LHX3: variants seen among roughly 807,000 people sequenced by gnomAD.
LHX3 encodes LIM/homeobox protein Lhx3.
A neutral mutation model predicts 32.4 loss-of-function variants in LHX3; 21 were observed. That is an observed-to-expected ratio of 0.65 (90% CI 0.46 to 0.93). The LOEUF is 0.93. Among genes scored for constraint, LHX3 ranks in the 40% least tolerant of loss-of-function variants. The pLI, the probability that LHX3 is intolerant of heterozygous loss-of-function variation, is 0.00. For missense variants in LHX3, 626 were observed against 560.0 expected, an observed-to-expected ratio of 1.12 and a Z score of -1.19; for synonymous variants, 258 against 246.8, an observed-to-expected ratio of 1.05 and a Z score of -0.43.
In LHX3 at chr9:136,197,370, G is replaced by T. The variant is rs1240459171; in HGVS notation, c.1149C>A (p.Ala383=). 3.7e-6 allele frequency: 6 copies of T among 1,612,068 alleles called. No homozygotes were observed. Among genetic ancestry groups the T allele is most frequent in the Non-Finnish European group, 4.2e-6 (5 of 1,179,866 alleles). ...GSSGGYPDFP[A]SPASWLDEVD... ...CCTCATCCAGCCAGGAGGCGGGGCTGGCAGGGAAGTCGGGGTAACCCCCGC... is the reference window on the plus strand; with the variant it reads ...CCTCATCCAGCCAGGAGGCGGGGCTTGCAGGGAAGTCGGGGTAACCCCCGC... The change falls in exon 6 of 6, where the codon GCC becomes GCA. Residue 383 remains alanine, a synonymous_variant. Transcript: ENST00000371748.
chr9:136,196,566 A>G lies in LHX3; in HGVS notation c.*759T>C, dbSNP rs2131028414. 6.5e-6 allele frequency: 1 copy of G among 152,950 alleles called. No individual in the cohort carries two copies. Among genetic ancestry groups the G allele is most frequent in the Non-Finnish European group, 1.5e-5 (1 of 68,094 alleles). The allele number at this position is 152,950 out of a possible 1,614,324, so 9.5% of individuals were successfully genotyped here. ...GGCAGGGAGGGCAGGCTGTTTGGCAACAGACATCTGTGGGTGCAGCCTGGA... is the reference window on the plus strand; with the variant it reads ...GGCAGGGAGGGCAGGCTGTTTGGCAGCAGACATCTGTGGGTGCAGCCTGGA... On this transcript the variant is annotated 3_prime_UTR_variant, in exon 6 of 6. Transcript: ENST00000371748.
chr9:136,197,329 A>G lies in LHX3; in HGVS notation c.1190T>C (p.Phe397Ser). 6.2e-7 allele frequency: 1 copy of G among 1,611,834 alleles called. No homozygotes were observed. The highest frequency in any genetic ancestry group is 8.5e-7 in the Non-Finnish European group (1 of 1,179,882). The stretch of plus-strand genomic sequence containing the variant: ...CAGGGTGGAGCCGGGCCTGGGTCAG[A>G]ACTGAGCGTGGTCTACCTCATCCAG... ...SWLDEVDHAQ[F>S] Residue 397 changes from phenylalanine to serine, a missense_variant, in exon 6 of 6, where the codon TTC becomes TCC. Coordinates refer to ENST00000371748, the MANE Select transcript of LHX3 (RefSeq NM_178138.6).
rs1363135000 is a variant in LHX3, at chr9:136,197,752, G to A, written c.776-9C>T. ...CGCCAAGGAAGGCTCATCTGCAACA[G>A]AAGCAGAGGCTCAGTCAGCGCCTGC... On this transcript the variant is annotated splice_polypyrimidine_tract_variant and intron_variant, in intron 5 of 5. Transcript: ENST00000371748. 1 of 1,599,784 alleles carries A rather than the reference G, an allele frequency of 6.3e-7. No individual in the cohort carries two copies. The highest frequency in any genetic ancestry group is 8.5e-7 in the Non-Finnish European group (1 of 1,179,662).
At chr9:136,203,401 C>T (rs1831693566) in intron 1 of LHX3, among the ~76,000 whole-genome samples, 1 of 152,214 alleles carries the variant, frequency 6.6e-6, no homozygotes, top group African/African-American at 2.4e-5. Flanking sequence ...CGTCCCGGCC[C>T]CGCAGCTTCC....
At position 136,197,558 on chromosome 9, in the gene LHX3, G is replaced by A; in HGVS notation, c.961C>T (p.Pro321Ser). 1.3e-6 allele frequency: 2 copies of A among 1,530,462 alleles called. No individual in the cohort carries two copies. The highest frequency in any genetic ancestry group is 1.8e-6 in the Non-Finnish European group (2 of 1,135,252). 94.8% of individuals were successfully genotyped at this position (1,530,462 alleles called of 1,614,324 possible). Residue 321 changes from proline (P) to serine (S), a missense_variant, in exon 6 of 6, where the codon CCC (proline) becomes TCC (serine). Transcript: ENST00000371748. ...PGSPYGVPPSPAAPQSLPGPQ... is the reference protein window; with the variant it reads ...PGSPYGVPPSSAAPQSLPGPQ... ...CCAGGGAGGCTCTGCGGGGCGGCGG[G>A]GGATGGGGGGACACCGTAGGGGCTG...
Position 136,199,703 on chromosome 9 carries a change from C to G in LHX3, c.429G>C (p.Ala143=), listed in dbSNP as rs751150702. The change falls in exon 3 of 6, where the codon GCG becomes GCC. Residue 143 remains alanine, a synonymous_variant. Coordinates refer to ENST00000371748, the MANE Select transcript of LHX3 (RefSeq NM_178138.6). ...LMEDSRLVCK[A]DYETAKQREA... ...CTCGCTGCTTGGCGGTTTCGTAGTC[C>G]GCCTTGCACACGAGCCGGCTGTCCT... 6.2e-7 allele frequency: 1 copy of G among 1,612,946 alleles called. No homozygotes were observed.
chr9:136,203,076 G>T, intron 1 of LHX3: 1 of 1,499,002 alleles, frequency 6.7e-7, no homozygotes, highest in South Asian at 1.2e-5. Context: ...CTCCAGTCCC[G>T]AACTTTCCCG....
At chr9:136,200,788 G>C in intron 1 of LHX3, 35 bp from the exon 2 acceptor site, 1 of 1,611,676 alleles carries the variant, frequency 6.2e-7, no homozygotes, top group South Asian at 1.1e-5. Flanking sequence ...TCACCTCGTA[G>C]ACCAGGAGGC....
chr9:136,198,765 C>T lies in LHX3; in HGVS notation c.662G>A (p.Arg221Gln). Residue 221 changes from arginine (R) to glutamine (Q), a missense_variant, in exon 5 of 6, where the codon CGG (arginine) becomes CAG (glutamine). Coordinates refer to ENST00000371748, the MANE Select transcript of LHX3 (RefSeq NM_178138.6). ...KEKRLKKDAG[R>Q]QRWGQYFRNM... The stretch of plus-strand genomic sequence containing the variant: ...GCGGAAATACTGCCCCCAGCGCTGC[C>T]GGCCGGCGTCCTTCTTCAGCCTCTT... 1 of 1,611,230 alleles carries T rather than the reference C, an allele frequency of 6.2e-7. No individual in the cohort carries two copies.
intron 5 of LHX3, 126 bp from the exon 6 acceptor site, chr9:136,197,869 C>T (rs1831536528): frequency 1.7e-5 from 17 of 996,832 alleles, no homozygotes; most frequent in Non-Finnish European, 1.5e-6. Flanking sequence ...CATGACAGGT[C>T]ATAACAGGCC....
rs762599561 is a variant in LHX3, at chr9:136,199,105, G to A, written c.455-46C>T. The A allele has an allele frequency of 1.0e-4, 125 of 1,229,112 alleles. No individual in the cohort carries two copies. In the African/African-American group the frequency reaches 1.8e-3, roughly 17 times the overall value. 76.1% of individuals were successfully genotyped at this position (1,229,112 alleles called of 1,614,324 possible). Reference sequence around the variant, plus strand: ...GAGGCGCGGCAGCCCCTCCGGCCCCGGCCGGACCCCCAGCCCTCCCACCCC... The same window carrying A: ...GAGGCGCGGCAGCCCCTCCGGCCCCAGCCGGACCCCCAGCCCTCCCACCCC... On this transcript the variant is annotated intron_variant, in intron 3 of 5. Coordinates refer to ENST00000371748, the MANE Select transcript of LHX3 (RefSeq NM_178138.6).
At chr9:136,201,646 A>G in intron 1 of LHX3, 1 of 991,634 alleles carries the variant, frequency 1.0e-6, no homozygotes, top group South Asian at 4.7e-5. Context: ...CTGGCTGTGG[A>G]CCCCGCCGGC....
At chr9:136,198,101 C>T (rs1380446074) in intron 5 of LHX3, among the ~76,000 whole-genome samples, 1 of 152,156 alleles carries the variant, frequency 6.6e-6, no homozygotes, top group African/African-American at 2.4e-5. Context: ...GTGAGTAGCC[C>T]GGGTCACGAG....
Position 136,197,040 on chromosome 9 carries a change from G to C in LHX3, c.*285C>G. ...AGGTGACATTTCATGTCTAGAAATA[G>C]CAGCAAGTGCTCAGTTAATTGGTCA... On this transcript the variant is annotated 3_prime_UTR_variant, in exon 6 of 6. Coordinates refer to ENST00000371748, the MANE Select transcript of LHX3 (RefSeq NM_178138.6). The C allele has an allele frequency of 1.8e-6, 1 of 551,008 alleles. No homozygotes were observed. Among genetic ancestry groups the C allele is most frequent in the Non-Finnish European group, 3.2e-6 (1 of 307,808 alleles). The allele number at this position is 551,008 out of a possible 1,614,324, so 34.1% of individuals were successfully genotyped here.
intron 1 of LHX3, chr9:136,201,271 A>T: frequency 7.8e-7 from 1 of 1,279,350 alleles, no homozygotes; most frequent in Non-Finnish European, 9.8e-7. Flanking sequence ...CCCTGTCTGC[A>T]GGCCTCCGGG....
In LHX3 at chr9:136,198,741, C is replaced by A. The variant is rs757143741; in HGVS notation, c.686G>T (p.Arg229Leu). ...AGRQRWGQYF[R>L]NMKRSRGGSK... ...GCCGCCGCGGGAGCGCTTCATGTTG[C>A]GGAAATACTGCCCCCAGCGCTGCCG... Residue 229 changes from arginine (R) to leucine (L), a missense_variant, in exon 5 of 6, where the codon CGC (arginine) becomes CTC (leucine). Arg to Leu is a moderately radical substitution (Grantham distance 102, BLOSUM62 -2). Coordinates refer to ENST00000371748, the MANE Select transcript of LHX3 (RefSeq NM_178138.6). 12 of 1,611,438 alleles carry A rather than the reference C, an allele frequency of 7.4e-6. No homozygotes were observed. In the East Asian group the frequency reaches 2.7e-4, roughly 36 times the overall value.
rs1004540400 is a variant in LHX3 at position 136,196,849 on chromosome 9, C to T, written c.*476G>A. ...TCCCCGCCTCTGCAGCCTCTTGCCT[C>T]GACAGGCAAGGCCAATCTCCGACCT... On this transcript the variant is annotated 3_prime_UTR_variant, in exon 6 of 6. Coordinates refer to ENST00000371748, the MANE Select transcript of LHX3 (RefSeq NM_178138.6). 2.2e-5 allele frequency: 4 copies of T among 178,354 alleles called. No individual in the cohort carries two copies. Among genetic ancestry groups the T allele is most frequent in the East Asian group, 1.6e-4 (1 of 6,438 alleles). 11.0% of individuals were successfully genotyped at this position (178,354 alleles called of 1,614,324 possible). A position where few individuals can be genotyped will look rare whatever the true frequency, so the allele number is the denominator to read the frequency against.
intron 1 of LHX3, chr9:136,201,170 G>A (rs1236566069): frequency 3.7e-6 from 5 of 1,366,264 alleles, no homozygotes; most frequent in Non-Finnish European, 3.8e-6. Flanking sequence ...ATCACCTGGA[G>A]CTGGGGCACC....
intron 1 of LHX3, among the ~76,000 whole-genome samples, chr9:136,204,069 G>A (rs144310848): frequency 1.3e-5 from 2 of 152,368 alleles, no homozygotes; most frequent in Non-Finnish European, 2.9e-5. Flanking sequence ...GAAGGGTTGG[G>A]GGACCAGGGG....
Sources: gnomAD v4.1 joint callset for allele counts (sites outside exome capture counted in the v4.1 genomes callset) on GRCh38, gnomAD v4.1.1 for gene constraint, MANE v1.5 for transcripts, NCBI Gene and HGNC (gene_info 2026-07-23, HGNC 2026-07-21) for gene names.